The following RGS7 variants were observed in gnomAD, a reference collection of about 807,000 sequenced individuals.
RGS7 encodes regulator of G-protein signaling 7.
RGS7 carries 27 observed loss-of-function variants against 81.1 expected under a neutral mutation model. The observed-to-expected ratio is 0.33, with a 90% CI of 0.25 to 0.46. RGS7 has a LOEUF of 0.46. Ranked by LOEUF, RGS7 falls within the 20% of genes least tolerant of loss-of-function variation. The pLI, the probability that RGS7 is intolerant of heterozygous loss-of-function variation, is 1.00. For missense variants in RGS7, 396 were observed against 607.4 expected (o/e 0.65, Z 3.66); for synonymous variants, 208 against 207.7 (o/e 1.00, Z -0.01).
intron 6 of RGS7, among the ~76,000 whole-genome samples, chr1:240,890,309 C>G (rs965984477): frequency 6.6e-6 from 1 of 152,064 alleles, no homozygotes; most frequent in Non-Finnish European, 1.5e-5. Flanking sequence ...TGCGCCACCA[C>G]ACCCAGCTAA....
intron 2 of RGS7, among the ~76,000 whole-genome samples, chr1:241,232,239 T>A (rs1305597902): frequency 2.0e-5 from 3 of 151,878 alleles, no homozygotes; most frequent in African/African-American, 7.3e-5. Flanking sequence ...GATGCCAGAG[T>A]GCAGTGGTGA....
chr1:240,803,600 T>C (rs566642355), intron 15 of RGS7, among the ~76,000 whole-genome samples: 1 of 152,040 alleles, frequency 6.6e-6, no homozygotes, highest in South Asian at 2.1e-4. Context: ...ATTAGGTAAA[T>C]AGTTGATCAT....
intron 2 of RGS7, among the ~76,000 whole-genome samples, chr1:241,287,527 A>G (rs2078881427): frequency 6.6e-6 from 1 of 152,202 alleles, no homozygotes; most frequent in Admixed American, 6.5e-5. Context: ...CTGTGAGTCA[A>G]TTAAACCTCT....
intron 2 of RGS7, among the ~76,000 whole-genome samples, chr1:241,134,439 A>G (rs968526664): frequency 2.0e-5 from 3 of 152,258 alleles, no homozygotes; most frequent in South Asian, 2.1e-4. Flanking sequence ...GAACACCTAC[A>G]TATGTATATA....
intron 2 of RGS7, among the ~76,000 whole-genome samples, chr1:241,142,209 G>C (rs554208047): frequency 6.6e-6 from 1 of 152,306 alleles, no homozygotes; most frequent in South Asian, 2.1e-4. Context: ...AGTGCCTACA[G>C]GTTTTCCAGG....
intron 9 of RGS7, among the ~76,000 whole-genome samples, chr1:240,855,446 T>A (rs1252484604): frequency 6.6e-6 from 1 of 151,696 alleles, no homozygotes; most frequent in Non-Finnish European, 1.5e-5. Flanking sequence ...TTCCTTTTTT[T>A]TTGAGACATG....
At chr1:240,801,652 G>T in intron 16 of RGS7, 144 bp from the exon 17 acceptor site, 1 of 701,548 alleles carries the variant, frequency 1.4e-6, no homozygotes, top group South Asian at 1.6e-5. Flanking sequence ...AAGGCCCATA[G>T]AGGTTGGAGA....
chr1:241,064,220 G>T (rs917396844), intron 3 of RGS7, among the ~76,000 whole-genome samples: 1 of 150,700 alleles, frequency 6.6e-6, no homozygotes, highest in Non-Finnish European at 1.5e-5. Flanking sequence ...ATAAGAGAAA[G>T]GTGCTGTGCT....
At chr1:241,044,146 C>T (rs981121000) in intron 3 of RGS7, among the ~76,000 whole-genome samples, 1 of 143,912 alleles carries the variant, frequency 6.9e-6, no homozygotes, top group Non-Finnish European at 1.5e-5. Flanking sequence ...TGGAGTCTTA[C>T]TCTGTTGCCC....
chr1:240,779,322 A>G (rs957926697), intron 18 of RGS7, among the ~76,000 whole-genome samples: 6 of 151,914 alleles, frequency 3.9e-5, no homozygotes, highest in African/African-American at 1.5e-4. Flanking sequence ...ACGCCCGGCT[A>G]ATTTTGTACT....
At chr1:240,987,662 T>C (rs1685875529) in intron 3 of RGS7, among the ~76,000 whole-genome samples, 1 of 152,014 alleles carries the variant, frequency 6.6e-6, no homozygotes, top group South Asian at 2.1e-4. Context: ...TAGCTGGGAT[T>C]ACAGGTGTGA....
chr1:241,156,529 T>C (rs895095932), intron 2 of RGS7, among the ~76,000 whole-genome samples: 3 of 132,116 alleles, frequency 2.3e-5, no homozygotes, highest in South Asian at 2.4e-4. Flanking sequence ...AAAAGAAAGA[T>C]AGATGCTAGA....
intron 18 of RGS7, among the ~76,000 whole-genome samples, chr1:240,785,980 T>C (rs1684994801): frequency 6.6e-6 from 1 of 152,218 alleles, no homozygotes; most frequent in South Asian, 2.1e-4. Context: ...GTTTTGAAAC[T>C]GTCATATTTA....
At chr1:241,000,846 A>G (rs2502446) in intron 3 of RGS7, among the ~76,000 whole-genome samples, 78,787 of 144,768 alleles carry the variant, frequency 0.54, 23,170 homozygotes, top group East Asian at 0.65. Context: ...TAGTAGAAAC[A>G]GTGTTTCACC....
intron 2 of RGS7, among the ~76,000 whole-genome samples, chr1:241,124,744 C>T (rs1391332570): frequency 6.6e-6 from 1 of 152,156 alleles, no homozygotes; most frequent in Non-Finnish European, 1.5e-5. Flanking sequence ...AGGAAGGGCC[C>T]CCTGGGAGCT....
At chr1:241,009,867 C>T (rs1239400079) in intron 3 of RGS7, among the ~76,000 whole-genome samples, 2 of 152,156 alleles carry the variant, frequency 1.3e-5, no homozygotes, top group Admixed American at 6.5e-5. Flanking sequence ...GGGGTAGTAC[C>T]TAGTAAGACG....
chr1:241,059,615 G>T (rs1445799957), intron 3 of RGS7, among the ~76,000 whole-genome samples: 2 of 152,114 alleles, frequency 1.3e-5, no homozygotes, highest in Non-Finnish European at 2.9e-5. Flanking sequence ...TTTGGCTATA[G>T]GAAGGGGGTG....
intron 2 of RGS7, among the ~76,000 whole-genome samples, chr1:241,160,607 C>A (rs1014676260): frequency 6.6e-6 from 1 of 152,194 alleles, no homozygotes; most frequent in South Asian, 2.1e-4. Flanking sequence ...AACTTTCATG[C>A]TCCCAAAACT....
chr1:241,251,968 G>A lies in RGS7; in HGVS notation c.78+103731C>T, dbSNP rs369300953. Reference sequence around the variant, plus strand: ...TTGCATGGTGGGGCTGCGGAGCCTCGGAGTCCAAGCGTGACTTATAGTCCC... The same window carrying A: ...TTGCATGGTGGGGCTGCGGAGCCTCAGAGTCCAAGCGTGACTTATAGTCCC... On this transcript the variant is annotated intron_variant, in intron 2 of 18. Coordinates refer to ENST00000440928, the MANE Select transcript of RGS7 (RefSeq NM_001364886.1). Among the ~76,000 whole-genome samples, 50 of 152,140 alleles carry A rather than the reference G, an allele frequency of 3.3e-4. 2 individuals carry two copies. The South Asian group carries it at 5.4e-3, about 16-fold the overall frequency.
Sources: allele counts gnomAD v4.1 joint callset (sites outside exome capture counted in the v4.1 genomes callset), GRCh38; gene constraint gnomAD v4.1.1; transcripts MANE v1.5; gene names NCBI Gene and HGNC (gene_info 2026-07-23, HGNC 2026-07-21).